Variants in PDE1A observed in about 807,000 individuals in gnomAD.
PDE1A encodes dual specificity calcium/calmodulin-dependent 3',5'-cyclic nucleotide phosphodiesterase 1A.
PDE1A carries 35 observed loss-of-function variants against 61.7 expected under a neutral mutation model. The observed-to-expected ratio is 0.57, with a 90% CI of 0.43 to 0.75. The LOEUF (loss-of-function observed/expected upper bound fraction) is 0.75, where lower values mean the gene tolerates loss of function less well. Ranked by LOEUF, PDE1A falls within the 30% of genes least tolerant of loss-of-function variation. The probability of loss-of-function intolerance (pLI) is 0.00; values close to 1 mark genes in which losing one functional copy is unlikely to be tolerated. For missense variants in PDE1A, 597 were observed against 630.6 expected (o/e 0.95, Z 0.57); for synonymous variants, 232 against 213.2 (o/e 1.09, Z -0.77).
chr2:182,273,557 T>C (rs563669091), intron 1 of PDE1A, among the ~76,000 whole-genome samples: 2 of 152,054 alleles, frequency 1.3e-5, no homozygotes, highest in South Asian at 4.1e-4. Flanking sequence ...AGGTTTGAGG[T>C]AGACATAAAG....
chr2:182,149,678 TAAAAAA>T (rs1377169800), intron 13 of PDE1A, among the ~76,000 whole-genome samples: 1 of 152,018 alleles, frequency 6.6e-6, no homozygotes, highest in Non-Finnish European at 1.5e-5. Context: ...TAGTACTTCA[TAAAAAA>T]AGAAGTCATT....
the PDE1A span, among the ~76,000 whole-genome samples, chr2:182,694,814 A>G: frequency 9.6e-6 from 1 of 104,008 alleles, no homozygotes; most frequent in African/African-American, 3.0e-5. Flanking sequence ...TACATAGAGG[A>G]AAAAAAAAGG....
chr2:182,419,755 T>C (rs149678111), intron 1 of PDE1A, among the ~76,000 whole-genome samples: 1,940 of 152,312 alleles, frequency 0.013, 27 homozygotes, highest in South Asian at 0.047. Flanking sequence ...TAGTGTTTTT[T>C]AAAATGTCAA....
At chr2:182,588,732 A>G in the PDE1A span, among the ~76,000 whole-genome samples, 1 of 152,190 alleles carries the variant, frequency 6.6e-6, no homozygotes, top group Admixed American at 6.5e-5. Context: ...AAAGGTAATC[A>G]TTAGGTAATA....
intron 1 of PDE1A, among the ~76,000 whole-genome samples, chr2:182,360,613 A>G (rs146953294): frequency 0.011 from 1,627 of 150,846 alleles, 29 homozygotes; most frequent in African/African-American, 0.037. Context: ...TGACGCATGT[A>G]GAGACCTGCA....
chr2:182,492,841 G>A (rs982774229), intron 2 of PDE1A, among the ~76,000 whole-genome samples: 1 of 152,184 alleles, frequency 6.6e-6, no homozygotes, highest in Non-Finnish European at 1.5e-5. Context: ...TTCTCAGAAA[G>A]ATTCTGTGAC....
At chr2:182,586,094 T>C in the PDE1A span, among the ~76,000 whole-genome samples, 4 of 152,226 alleles carry the variant, frequency 2.6e-5, no homozygotes, top group Non-Finnish European at 2.9e-5. Context: ...CTTTCGGTTC[T>C]ATCTCCCCCA....
intron 1 of PDE1A, among the ~76,000 whole-genome samples, chr2:182,395,322 T>C (rs984089161): frequency 2.6e-5 from 4 of 152,236 alleles, no homozygotes; most frequent in African/African-American, 7.2e-5. Context: ...AGATATCGCA[T>C]TGATCCATTA....
intron 1 of PDE1A, among the ~76,000 whole-genome samples, chr2:182,381,073 T>G (rs1700706794): frequency 1.3e-5 from 2 of 152,180 alleles, no homozygotes; most frequent in South Asian, 4.1e-4. Context: ...CTCTAAGCAC[T>G]TAGAATCTAG....
intron 4 of PDE1A, 82 bp from the exon 5 acceptor site, chr2:182,231,213 C>G: frequency 1.3e-6 from 1 of 745,404 alleles, no homozygotes; most frequent in Non-Finnish European, 2.3e-6. Flanking sequence ...AGGCATTGTA[C>G]ATTTAGCAGG....
At chr2:182,345,329 G>A (rs557630122) in intron 1 of PDE1A, among the ~76,000 whole-genome samples, 51 of 152,186 alleles carry the variant, frequency 3.4e-4, no homozygotes, top group Non-Finnish European at 6.5e-4. Context: ...TTATCCTTGC[G>A]TTATCTTTCT....
At chr2:182,670,205 G>A in the PDE1A span, among the ~76,000 whole-genome samples, 1 of 152,134 alleles carries the variant, frequency 6.6e-6, no homozygotes, top group Admixed American at 6.5e-5. Flanking sequence ...GAATCAAAAG[G>A]TACTCAGGGG....
At chr2:182,530,050 T>C in the PDE1A span, among the ~76,000 whole-genome samples, 4 of 152,156 alleles carry the variant, frequency 2.6e-5, no homozygotes, top group African/African-American at 9.7e-5. Context: ...CCAGAATCAG[T>C]GGAAAACAAG....
At chr2:182,338,977 T>G (rs1698014337) in intron 1 of PDE1A, among the ~76,000 whole-genome samples, 1 of 152,238 alleles carries the variant, frequency 6.6e-6, no homozygotes, top group Non-Finnish European at 1.5e-5. Flanking sequence ...CCTTATTTTC[T>G]GTTGATGATT....
chr2:182,222,845 T>C (rs1177580033), intron 7 of PDE1A, among the ~76,000 whole-genome samples: 3 of 151,950 alleles, frequency 2.0e-5, no homozygotes, highest in Admixed American at 6.6e-5. Flanking sequence ...TCCTGACTAG[T>C]AAAAGAGAAA....
At chr2:182,572,193 T>C in the PDE1A span, among the ~76,000 whole-genome samples, 2 of 152,180 alleles carry the variant, frequency 1.3e-5, no homozygotes, top group Non-Finnish European at 2.9e-5. Flanking sequence ...AGGAGTGTGT[T>C]TTATGTGCTT....
At chr2:182,225,404 A>T (rs1376534458) in intron 6 of PDE1A, among the ~76,000 whole-genome samples, 2 of 151,922 alleles carry the variant, frequency 1.3e-5, no homozygotes, top group African/African-American at 2.4e-5. Context: ...ACAATTGTTG[A>T]ATCTCATAGG....
chr2:182,586,394 C>T, the PDE1A span, among the ~76,000 whole-genome samples: 2 of 152,206 alleles, frequency 1.3e-5, no homozygotes, highest in Non-Finnish European at 2.9e-5. Context: ...GCCTCTTGCT[C>T]TCCATGACTT....
At chr2:182,561,214 T>C in the PDE1A span, among the ~76,000 whole-genome samples, 8 of 152,190 alleles carry the variant, frequency 5.3e-5, no homozygotes, top group South Asian at 1.5e-3. Context: ...TCTTTATCCA[T>C]CTTGAATTAA....
Sources: allele counts gnomAD v4.1 joint callset (sites outside exome capture counted in the v4.1 genomes callset), GRCh38; gene constraint gnomAD v4.1.1; transcripts MANE v1.5; gene names NCBI Gene and HGNC (gene_info 2026-07-23, HGNC 2026-07-21).